ABCA10: variants seen among roughly 807,000 people sequenced by gnomAD.
ABCA10 encodes the protein ATP binding cassette subfamily A member 10.
A neutral mutation model predicts 187.5 loss-of-function variants in ABCA10; 169 were observed. The ratio of observed to expected loss-of-function variants is 0.90; its 90% CI spans 0.80 to 1.02. ABCA10 has a LOEUF of 1.02. Ranked by LOEUF, ABCA10 falls within the 50% of genes least tolerant of loss-of-function variation. The probability of loss-of-function intolerance (pLI) is 0.00; values close to 1 mark genes in which losing one functional copy is unlikely to be tolerated. For missense variants in ABCA10, 1,727 were observed against 1,812.4 expected (o/e 0.95, Z 0.86); for synonymous variants, 574 against 601.8 (o/e 0.95, Z 0.68).
At chr17:69,211,334 T>TACAC (rs1555663003) in intron 9 of ABCA10, among the ~76,000 whole-genome samples, 45 of 132,724 alleles carry the variant, frequency 3.4e-4, no homozygotes, top group African/African-American at 1.3e-3. Flanking sequence ...TATATATATA[T>TACAC]ATATATATAT....
intron 9 of ABCA10, among the ~76,000 whole-genome samples, chr17:69,204,389 A>G (rs2074574116): frequency 6.6e-6 from 1 of 152,198 alleles, no homozygotes; most frequent in Non-Finnish European, 1.5e-5. Context: ...TGTTGACAAT[A>G]TGGCTGTGGA....
chr17:69,214,376 G>A (rs527698367), intron 9 of ABCA10, among the ~76,000 whole-genome samples: 5 of 150,710 alleles, frequency 3.3e-5, no homozygotes, highest in South Asian at 4.2e-4. Flanking sequence ...TTAGCTGGGC[G>A]TAGTGGCGGG....
intron 1 of ABCA10, among the ~76,000 whole-genome samples, chr17:69,236,209 A>G (rs1013515663): frequency 2.0e-5 from 3 of 152,224 alleles, no homozygotes; most frequent in Non-Finnish European, 4.4e-5. Flanking sequence ...CTGTCTTTAT[A>G]AACAGTTTAT....
intron 22 of ABCA10, 138 bp downstream of exon 22, chr17:69,182,015 C>T: frequency 1.2e-6 from 1 of 816,390 alleles, no homozygotes; most frequent in Non-Finnish European, 1.7e-6. Context: ...CAGATGAAGA[C>T]ACAAAGGCAA....
intron 17 of ABCA10, among the ~76,000 whole-genome samples, 200 bp downstream of exon 17, chr17:69,190,976 T>TA (rs1264180253): frequency 2.6e-5 from 4 of 152,172 alleles, no homozygotes; most frequent in African/African-American, 9.6e-5. Flanking sequence ...AATCGGGGTT[T>TA]CTATATTCAT....
At chr17:69,227,340 T>G (rs2074802760) in intron 1 of ABCA10, 55 bp from the exon 2 acceptor site, 1 of 152,014 alleles carries the variant, frequency 6.6e-6, no homozygotes, top group Non-Finnish European at 1.5e-5. Context: ...TTGAACATTT[T>G]GAAAGCATAA....
chr17:69,182,945 G>C (rs572740548), intron 20 of ABCA10, 137 bp from the exon 21 acceptor site: 2 of 1,071,982 alleles, frequency 1.9e-6, no homozygotes, highest in Non-Finnish European at 2.6e-6. Flanking sequence ...TGCTCTTTAG[G>C]AGTACAATAC....
intron 25 of ABCA10, among the ~76,000 whole-genome samples, chr17:69,168,005 C>T (rs796254370): frequency 1.1e-4 from 17 of 152,098 alleles, no homozygotes; most frequent in African/African-American, 4.1e-4. Flanking sequence ...CCTTCTCTTC[C>T]TTCTTGGCCT....
chr17:69,170,242 C>T (rs1226619634), intron 25 of ABCA10, among the ~76,000 whole-genome samples: 1 of 150,332 alleles, frequency 6.7e-6, no homozygotes, highest in Non-Finnish European at 1.5e-5. Flanking sequence ...GAGCCAAGAT[C>T]GCCCCACTGC....
intron 5 of ABCA10, 55 bp from the exon 6 acceptor site, chr17:69,219,826 A>G (rs2074733152): frequency 8.4e-7 from 1 of 1,194,992 alleles, no homozygotes; most frequent in Non-Finnish European, 1.2e-6. Context: ...AATATATTAG[A>G]AAACTATACA....
chr17:69,167,737 C>G (rs1339336600), intron 25 of ABCA10, among the ~76,000 whole-genome samples: 1 of 152,086 alleles, frequency 6.6e-6, no homozygotes, highest in Non-Finnish European at 1.5e-5. Flanking sequence ...TCTGATTATT[C>G]AAGGCTCCTT....
chr17:69,182,277 G>C lies in ABCA10; in HGVS notation c.2645C>G (p.Ser882Cys). The change falls in exon 22 of 39, where the codon TCT becomes TGT. Residue 882 changes from serine (S) to cysteine (C), a missense_variant. Transcript: ENST00000690296. ...VSGDQKDYRF[S>C]VACNTKKLNC... ...CAATTTCTTGGTATTACACGCAACA[G>C]AAAATCTGTAATCCTTGAAAAAAAG... The C allele has an allele frequency of 5.8e-6, 9 of 1,550,568 alleles. No homozygotes were observed. The highest frequency in any genetic ancestry group is 7.8e-6 in the Non-Finnish European group (9 of 1,148,564).
intron 1 of ABCA10, among the ~76,000 whole-genome samples, chr17:69,241,119 T>C (rs1410665688): frequency 6.6e-6 from 1 of 152,228 alleles, no homozygotes; most frequent in East Asian, 1.9e-4. Context: ...TTCCACGGTC[T>C]TCTTCATCCA....
intron 20 of ABCA10, 104 bp from the exon 21 acceptor site, chr17:69,182,912 C>A: frequency 7.1e-7 from 1 of 1,404,430 alleles, no homozygotes. Flanking sequence ...AAGAAAAACC[C>A]AGAATAGCTT....
chr17:69,240,016 C>G (rs927919114), intron 1 of ABCA10, among the ~76,000 whole-genome samples: 2 of 152,188 alleles, frequency 1.3e-5, no homozygotes, highest in Non-Finnish European at 2.9e-5. Context: ...AGCATCTTAA[C>G]AGTGTGTTCT....
At chr17:69,231,746 T>C (rs1040279118), upstream of ABCA10, among the ~76,000 whole-genome samples, 7 of 152,328 alleles carry the variant, frequency 4.6e-5, no homozygotes, top group African/African-American at 1.7e-4. Flanking sequence ...ATTCTGCAGC[T>C]GTTGGACAGA....
Position 69,191,227 on chromosome 17 carries a change from C to T in ABCA10, c.1960G>A (p.Glu654Lys). 6.2e-7 allele frequency: 1 copy of T among 1,602,580 alleles called. No individual in the cohort carries two copies. Among genetic ancestry groups the T allele is most frequent in the Non-Finnish European group, 8.5e-7 (1 of 1,173,794 alleles). ...IPDAKLTTES[E>K]EKLVYSLPLE... is the part of the protein sequence containing the mutation. ...GGCAAACTATATACAAGTTTTTCTT[C>T]ACTTTCTGTTGTTAACTTGGCATCA... The change falls in exon 17 of 39, where the codon GAA (glutamate) becomes AAA (lysine). Residue 654 changes from glutamate (E) to lysine (K), a missense_variant. Glu to Lys is a moderately conservative substitution (Grantham distance 56). Coordinates refer to ENST00000690296, the MANE Select transcript of ABCA10 (RefSeq NM_001377321.1).
upstream of ABCA10, chr17:69,232,840 T>C (rs760362938): frequency 5.3e-5 from 8 of 152,214 alleles, no homozygotes; most frequent in African/African-American, 7.2e-5. Flanking sequence ...GTATTCATGG[T>C]TGGCAGTTTT....
intron 20 of ABCA10, among the ~76,000 whole-genome samples, chr17:69,183,953 A>G (rs2074401077): frequency 1.3e-5 from 2 of 152,110 alleles, no homozygotes; most frequent in South Asian, 2.1e-4. Context: ...TTGCTTTCTC[A>G]AAGGGAGTCT....
Sources: gnomAD v4.1 joint callset for allele counts (sites outside exome capture counted in the v4.1 genomes callset) on GRCh38, gnomAD v4.1.1 for gene constraint, MANE v1.5 for transcripts, NCBI Gene and HGNC (gene_info 2026-07-23, HGNC 2026-07-21) for gene names.